The following NRXN3 variants were observed in gnomAD, a reference collection of about 807,000 sequenced individuals.
NRXN3 encodes the protein neurexin III.
NRXN3 carries 32 observed loss-of-function variants against 137.6 expected under a neutral mutation model. The observed-to-expected ratio is 0.23, with a 90% CI of 0.18 to 0.31. The LOEUF is 0.31. NRXN3 is among the 10% of genes least tolerant of loss of function. NRXN3 has a pLI of 1.00. For missense variants in NRXN3, 1,574 were observed against 2,062.5 expected (o/e 0.76, Z 4.59); for synonymous variants, 798 against 784.5 (o/e 1.02, Z -0.29).
At chr14:78,323,005 C>A (rs2079576081) in intron 4 of NRXN3, among the ~76,000 whole-genome samples, 1 of 144,828 alleles carries the variant, frequency 6.9e-6, no homozygotes, top group African/African-American at 2.5e-5. Context: ...ATTTCTTACT[C>A]CTTATGGCCA....
At position 78,409,569 on chromosome 14, in the gene NRXN3, CT is replaced by C. The variant is rs2092704416; in HGVS notation, c.757+111710del. Among the ~76,000 whole-genome samples the C allele has an allele frequency of 2.0e-5, 3 of 152,308 alleles. No homozygotes were observed. In the South Asian group the frequency reaches 6.2e-4, roughly 32 times the overall value. On this transcript the variant is annotated intron_variant, in intron 4 of 20. Transcript: ENST00000335750. ...CTATGAAGGGGTGAAAATCCCTAAC[CT>C]CTTGATATGAATTTAGCATTCAAAG...
intron 4 of NRXN3, among the ~76,000 whole-genome samples, chr14:78,378,581 G>A (rs1345762348): frequency 1.3e-5 from 2 of 151,302 alleles, no homozygotes; most frequent in African/African-American, 4.9e-5. Context: ...GAGAAAGACA[G>A]TTATGTAGCT....
intron 4 of NRXN3, among the ~76,000 whole-genome samples, chr14:78,494,422 TTTTG>T (rs1231008740): frequency 2.2e-4 from 18 of 81,194 alleles, no homozygotes; most frequent in African/African-American, 6.1e-4. Context: ...ACCAGAGGTG[TTTTG>T]TTTTTTTTTT....
chr14:79,337,700 A>G lies in NRXN3; in HGVS notation c.3263-129521A>G, dbSNP rs553222377. Among the ~76,000 whole-genome samples the G allele has an allele frequency of 8.5e-5, 13 of 152,292 alleles. No individual in the cohort carries two copies. The South Asian group carries it at 2.7e-3, about 32-fold the overall frequency. ...GCAATATTGACATTTCTGGCTGCCAATTCCTCACATGATAAATGCATTAAC... is the reference window on the plus strand; with the variant it reads ...GCAATATTGACATTTCTGGCTGCCAGTTCCTCACATGATAAATGCATTAAC... On this transcript the variant is annotated intron_variant, in intron 15 of 20. Coordinates refer to ENST00000335750, the MANE Select transcript of NRXN3 (RefSeq NM_001330195.2).
intron 4 of NRXN3, among the ~76,000 whole-genome samples, chr14:78,413,443 G>A (rs890774312): frequency 2.6e-5 from 4 of 152,074 alleles, no homozygotes; most frequent in Non-Finnish European, 2.9e-5. Flanking sequence ...GTGCCACCAC[G>A]CCCGGCTAAT....
At chr14:79,069,269 G>C (rs1368400105) in intron 15 of NRXN3, among the ~76,000 whole-genome samples, 1 of 152,084 alleles carries the variant, frequency 6.6e-6, no homozygotes, top group African/African-American at 2.4e-5. Context: ...CTTCTTCTTT[G>C]TCAATCTCTG....
Position 78,243,888 on chromosome 14 carries a change from T to A in NRXN3, c.709+86T>A. 6.2e-6 allele frequency: 6 copies of A among 972,782 alleles called. No homozygotes were observed. Among genetic ancestry groups the A allele is most frequent in the Non-Finnish European group, 9.2e-6 (6 of 654,978 alleles). The allele number at this position is 972,782 out of a possible 1,614,324, so 60.3% of individuals were successfully genotyped here. A position where few individuals can be genotyped will look rare whatever the true frequency, so the allele number is the denominator to read the frequency against. On this transcript the variant is annotated intron_variant, in intron 2 of 20. Transcript: ENST00000335750. The surrounding 1 kb of genome is among the most constrained non-coding windows in gnomAD (Gnocchi z 4.2). The stretch of plus-strand genomic sequence containing the variant: ...CTGATACAAACCAGTTCTATATGGA[T>A]GCATATCTTTAGCTGCATGTTAGAT...
At chr14:79,520,914 TG>T (rs1461230380) in intron 16 of NRXN3, among the ~76,000 whole-genome samples, 2 of 152,194 alleles carry the variant, frequency 1.3e-5, no homozygotes, top group African/African-American at 4.8e-5. Context: ...ATGCCATTAC[TG>T]GGTATATACC....
chr14:79,126,543 G>A (rs1268625515), intron 15 of NRXN3, among the ~76,000 whole-genome samples: 4 of 152,100 alleles, frequency 2.6e-5, no homozygotes, highest in East Asian at 1.9e-4. Flanking sequence ...CATGGTCTAT[G>A]TGTGCCACAT....
At chr14:78,458,969 A>T (rs1231135855) in intron 4 of NRXN3, among the ~76,000 whole-genome samples, 1 of 152,214 alleles carries the variant, frequency 6.6e-6, no homozygotes, top group Non-Finnish European at 1.5e-5. Flanking sequence ...TCGACCAATG[A>T]TGCCACCTGG....
intron 16 of NRXN3, among the ~76,000 whole-genome samples, chr14:79,616,397 C>G (rs975494258): frequency 6.6e-6 from 1 of 152,042 alleles, no homozygotes; most frequent in Admixed American, 6.6e-5. Context: ...CTTCTAACTG[C>G]CTTTCCCTAT....
chr14:79,715,561 C>T (rs567837433), intron 19 of NRXN3, among the ~76,000 whole-genome samples: 1 of 152,312 alleles, frequency 6.6e-6, no homozygotes, highest in Non-Finnish European at 1.5e-5. Context: ...AGTCGATAAA[C>T]ACTTAATGGC....
chr14:79,385,961 A>C (rs552109402), intron 15 of NRXN3, among the ~76,000 whole-genome samples: 1 of 152,188 alleles, frequency 6.6e-6, no homozygotes, highest in Non-Finnish European at 1.5e-5. Flanking sequence ...CCTCAAAATC[A>C]TAAGAGCTAT....
intron 19 of NRXN3, among the ~76,000 whole-genome samples, chr14:79,768,560 G>T (rs1009238623): frequency 6.6e-6 from 1 of 152,170 alleles, no homozygotes; most frequent in Non-Finnish European, 1.5e-5. Context: ...GCCGCTGAGG[G>T]TCCTGTCTGT....
intron 15 of NRXN3, among the ~76,000 whole-genome samples, chr14:79,154,047 C>T (rs1339951219): frequency 5.3e-5 from 8 of 151,948 alleles, no homozygotes; most frequent in African/African-American, 1.9e-4. Flanking sequence ...CAAACTCTTT[C>T]CTTTTGGCTT....
intron 16 of NRXN3, among the ~76,000 whole-genome samples, chr14:79,637,277 A>G (rs61995216): frequency 0.042 from 6,442 of 152,244 alleles, 207 homozygotes; most frequent in Non-Finnish European, 0.063. Context: ...ATCAAGTGTT[A>G]AAGAAGAATT....
intron 4 of NRXN3, among the ~76,000 whole-genome samples, chr14:78,529,273 A>G (rs915525707): frequency 6.6e-6 from 1 of 152,202 alleles, no homozygotes; most frequent in Non-Finnish European, 1.5e-5. Flanking sequence ...TCAAAGAAGA[A>G]TTACTTGACA....
At chr14:78,654,287 C>T (rs1276218133) in intron 6 of NRXN3, among the ~76,000 whole-genome samples, 5 of 152,204 alleles carry the variant, frequency 3.3e-5, no homozygotes, top group Non-Finnish European at 7.3e-5. Flanking sequence ...AATTATTTCA[C>T]AATCTCTTCT....
At chr14:79,499,956 C>CAT (rs60538373) in intron 16 of NRXN3, among the ~76,000 whole-genome samples, 3,609 of 145,214 alleles carry the variant, frequency 0.025, 171 homozygotes, top group African/African-American at 0.085. Flanking sequence ...ATCTTAGGGT[C>CAT]GTGTGTGTGT....
Sources: gnomAD v4.1 joint callset for allele counts (sites outside exome capture counted in the v4.1 genomes callset) on GRCh38, gnomAD v4.1.1 for gene constraint, Gnocchi (gnomAD v3.1) non-coding constraint, MANE v1.5 for transcripts, NCBI Gene and HGNC (gene_info 2026-07-23, HGNC 2026-07-21) for gene names.